RIPK2: variants seen among roughly 807,000 people sequenced by gnomAD.
The protein encoded by RIPK2 is receptor-interacting serine/threonine-protein kinase 2.
Under a neutral mutation model 60.9 loss-of-function variants are expected in RIPK2, and 38 were observed. The ratio of observed to expected loss-of-function variants is 0.62; its 90% CI spans 0.48 to 0.82. RIPK2 has a LOEUF of 0.82. Ranked by LOEUF, RIPK2 falls within the 40% of genes least tolerant of loss-of-function variation. The pLI, the probability that RIPK2 is intolerant of heterozygous loss-of-function variation, is 0.00. For missense variants in RIPK2, 518 were observed against 647.0 expected (o/e 0.80, Z 2.16); for synonymous variants, 225 against 223.4 (o/e 1.01, Z -0.06).
intron 8 of RIPK2, among the ~76,000 whole-genome samples, chr8:89,784,599 A>G (rs370054558): frequency 1.3e-5 from 2 of 152,212 alleles, no homozygotes; most frequent in African/African-American, 2.4e-5. Flanking sequence ...ATGTATATGT[A>G]TGTTCATTTT....
Position 89,786,645 on chromosome 8 carries a change from C to T in RIPK2, c.1082C>T (p.Ser361Leu). Residue 361 changes from serine to leucine, a missense_variant, in exon 9 of 11, where the codon TCA becomes TTA. By Grantham distance (145) the Ser-to-Leu change is moderately radical. This residue lies in a region of RIPK2 where 448 missense variants were observed against 534.7 expected (regional missense o/e 0.84). Transcript: ENST00000220751. Reference protein sequence around the residue: ...LHENSGSPETSRSLPAPQDND... With the variant: ...LHENSGSPETLRSLPAPQDND... ...GAAAATAGTGGTTCTCCTGAAACTT[C>T]AAGGTCCCTGCCAGCTCCTCAAGAC... 1 of 1,600,646 alleles carries T rather than the reference C, an allele frequency of 6.2e-7. No homozygotes were observed.
rs756076763 is a variant in RIPK2, at chr8:89,789,369, A to T, written c.1172A>T (p.Asn391Ile). ...ATGAAGCTGCATCACTGTCCTGGAA[A>T]TCACAGTTGGGATAGCACCATTTCT... ...YFMKLHHCPG[N>I]HSWDSTISGS... The change falls in exon 10 of 11, where the codon AAT (asparagine) becomes ATT (isoleucine). Residue 391 changes from asparagine (N) to isoleucine (I), a missense_variant. This residue lies in a region of RIPK2 where 448 missense variants were observed against 534.7 expected (regional missense o/e 0.84). Coordinates refer to ENST00000220751, the MANE Select transcript of RIPK2 (RefSeq NM_003821.6). 6.2e-7 allele frequency: 1 copy of T among 1,614,140 alleles called. No homozygotes were observed. Among genetic ancestry groups the T allele is most frequent in the South Asian group, 1.1e-5 (1 of 91,080 alleles).
chr8:89,786,214 C>A (rs1263179542), intron 8 of RIPK2, among the ~76,000 whole-genome samples: 2 of 152,092 alleles, frequency 1.3e-5, no homozygotes, highest in East Asian at 3.8e-4. Context: ...TGGCTCACAC[C>A]TGTAATTCCA....
At chr8:89,778,957 C>T (rs556892891) in intron 6 of RIPK2, among the ~76,000 whole-genome samples, 1 of 152,306 alleles carries the variant, frequency 6.6e-6, no homozygotes, top group African/African-American at 2.4e-5. Context: ...CTCCACGTCA[C>T]TGTCAACACT....
chr8:89,771,811 T>C (rs1279145792), intron 5 of RIPK2, 21 bp downstream of exon 5: 2 of 1,518,212 alleles, frequency 1.3e-6, no homozygotes, highest in East Asian at 2.3e-5. Context: ...TTTGACTTTT[T>C]TATGCTCAAT....
intron 6 of RIPK2, among the ~76,000 whole-genome samples, chr8:89,777,123 C>T (rs535482486): frequency 1.3e-5 from 2 of 152,324 alleles, no homozygotes; most frequent in South Asian, 4.1e-4. Context: ...AAAAGGTACA[C>T]AGAGTGAGAA....
At chr8:89,763,928 G>A (rs1318250605) in intron 2 of RIPK2, among the ~76,000 whole-genome samples, 2 of 152,090 alleles carry the variant, frequency 1.3e-5, no homozygotes, top group East Asian at 3.8e-4. Context: ...TGAGAAATGA[G>A]TATAAGTAGA....
chr8:89,774,893 A>G (rs1287872094), intron 6 of RIPK2, among the ~76,000 whole-genome samples: 2 of 152,178 alleles, frequency 1.3e-5, no homozygotes, highest in Non-Finnish European at 2.9e-5. Context: ...TTGGAAGTCA[A>G]GGAGGGGTAT....
intron 10 of RIPK2, 91 bp from the exon 11 acceptor site, chr8:89,789,987 GT>G: frequency 2.2e-6 from 2 of 919,010 alleles, no homozygotes; most frequent in South Asian, 4.0e-5. Context: ...GGAAAATTAT[GT>G]TTTATGCTTT....
At chr8:89,787,744 A>C (rs1809609714) in intron 9 of RIPK2, among the ~76,000 whole-genome samples, 1 of 152,228 alleles carries the variant, frequency 6.6e-6, no homozygotes, top group South Asian at 2.1e-4. Context: ...CAAGGGAGTG[A>C]CATAAAATTT....
intron 2 of RIPK2, among the ~76,000 whole-genome samples, chr8:89,763,894 T>C (rs1809184401): frequency 6.6e-6 from 1 of 152,188 alleles, no homozygotes; most frequent in African/African-American, 2.4e-5. Context: ...TATTAATAAA[T>C]CACAATTTCT....
chr8:89,762,041 A>T (rs573822962), intron 1 of RIPK2, among the ~76,000 whole-genome samples: 1 of 151,458 alleles, frequency 6.6e-6, no homozygotes, highest in East Asian at 1.9e-4. Flanking sequence ...CAAAAAAAAA[A>T]TAGGCACGGT....
chr8:89,784,507 ACATTGC>A (rs1353476791), intron 8 of RIPK2, among the ~76,000 whole-genome samples: 22 of 152,214 alleles, frequency 1.4e-4, no homozygotes, highest in African/African-American at 5.3e-4. Flanking sequence ...TGAGAGGAAA[ACATTGC>A]TGCCTAGGAA....
chr8:89,781,369 T>G (rs909845129), intron 7 of RIPK2, among the ~76,000 whole-genome samples: 1 of 87,620 alleles, frequency 1.1e-5, no homozygotes, highest in African/African-American at 5.0e-5. Flanking sequence ...TTTTTTTTTT[T>G]TTTTTTTAGT....
rs898331861 is a variant in RIPK2 at position 89,762,456 on chromosome 8, A to G, written c.174-373A>G. On this transcript the variant is annotated intron_variant, in intron 1 of 10. Coordinates refer to ENST00000220751, the MANE Select transcript of RIPK2 (RefSeq NM_003821.6). ...TATAATATTCTAATAAAACATGCTC[A>G]TTTGAATACAATGTAAACTTAATCA... 3.9e-5 allele frequency among the ~76,000 whole-genome samples: 6 copies of G among 152,324 alleles called. No individual in the cohort carries two copies. The South Asian group carries it at 1.0e-3, about 26-fold the overall frequency.
In RIPK2 at chr8:89,786,833, A is replaced by G. The variant is rs1586135135; in HGVS notation, c.1123+147A>G. 6 of 630,828 alleles carry G rather than the reference A, an allele frequency of 9.5e-6. No individual in the cohort carries two copies. The East Asian group carries it at 1.4e-4, about 15-fold the overall frequency. The allele number at this position is 630,828 out of a possible 1,614,324, so 39.1% of individuals were successfully genotyped here. On this transcript the variant is annotated intron_variant, in intron 9 of 10. Coordinates refer to ENST00000220751, the MANE Select transcript of RIPK2 (RefSeq NM_003821.6). ...AGCGACAGAGTCTAAAGATAGGAAA[A>G]TAGTAGTGTGATATTCAACAAATAC... is the stretch of plus-strand genomic sequence containing the variant.
At chr8:89,782,130 G>A (rs957511802) in intron 7 of RIPK2, among the ~76,000 whole-genome samples, 1 of 152,020 alleles carries the variant, frequency 6.6e-6, no homozygotes, top group Non-Finnish European at 1.5e-5. Context: ...GACAGAGTGA[G>A]ACCCTGTCTC....
At chr8:89,767,581 A>T (rs1809249339) in intron 3 of RIPK2, among the ~76,000 whole-genome samples, 1 of 151,622 alleles carries the variant, frequency 6.6e-6, no homozygotes, top group African/African-American at 2.4e-5. Context: ...AAGTAGAAAT[A>T]CCTTAATGGT....
intron 9 of RIPK2, among the ~76,000 whole-genome samples, chr8:89,787,166 A>T (rs1202237865): frequency 6.6e-6 from 1 of 152,170 alleles, no homozygotes; most frequent in Non-Finnish European, 1.5e-5. Context: ...TCTGTGTCAA[A>T]AAATAAATTT....
Sources: allele counts gnomAD v4.1 joint callset (sites outside exome capture counted in the v4.1 genomes callset), GRCh38; gene constraint gnomAD v4.1.1; regional missense constraint gnomAD v4.1.1; transcripts MANE v1.5; gene names NCBI Gene and HGNC (gene_info 2026-07-23, HGNC 2026-07-21).